Variants in DNAH10 observed in about 807,000 individuals in gnomAD.
DNAH10 encodes the protein dynein axonemal heavy chain 10.
In DNAH10, 348 loss-of-function variants were observed where a neutral mutation model predicts 506.6. That is an observed-to-expected ratio of 0.69 (90% confidence interval 0.63 to 0.75). DNAH10 has a LOEUF of 0.75. Among genes scored for constraint, DNAH10 ranks in the 30% least tolerant of loss-of-function variants. The pLI is 0.00. For missense variants in DNAH10, 5,179 were observed against 5,787.1 expected, an observed-to-expected ratio of 0.89 and a Z score of 3.41; for synonymous variants, 2,059 against 2,198.6, an observed-to-expected ratio of 0.94 and a Z score of 1.78.
In DNAH10 at chr12:123,887,170, A is replaced by G. The variant is rs1316611288; in HGVS notation, c.8852A>G (p.Tyr2951Cys). 1.9e-6 allele frequency: 3 copies of G among 1,611,674 alleles called. No individual in the cohort carries two copies. Among genetic ancestry groups the G allele is most frequent in the Admixed American group, 1.7e-5 (1 of 59,712 alleles). The change falls in exon 52 of 79, where the codon TAC becomes TGC. Residue 2951 changes from tyrosine to cysteine, a missense_variant. This residue lies in a region of DNAH10 where 4,844 missense variants were observed against 5,430.5 expected (regional missense o/e 0.89). Transcript: ENST00000673944. ...TTTGAGATCCTGCTGAGCCGAGGCT[A>G]CTCGGAGAACAGTTTCCGGGAAGAC... ...EVFEILLSRGYSENSFREDLK... is the reference protein window; with the variant it reads ...EVFEILLSRGCSENSFREDLK...
intron 12 of DNAH10, among the ~76,000 whole-genome samples, chr12:123,794,573 C>T (rs1958204772): frequency 6.6e-6 from 1 of 152,184 alleles, no homozygotes; most frequent in Non-Finnish European, 1.5e-5. Flanking sequence ...CTGCTGGGCA[C>T]AGTGACTCAT....
intron 5 of DNAH10, among the ~76,000 whole-genome samples, chr12:123,779,624 A>AG: frequency 1.3e-5 from 2 of 152,240 alleles, no homozygotes; most frequent in Non-Finnish European, 2.9e-5. Context: ...AGAGAGAGAA[A>AG]CAAAACCAAA....
intron 1 of DNAH10, among the ~76,000 whole-genome samples, chr12:123,763,508 T>A (rs1184330185): frequency 1.3e-5 from 2 of 152,044 alleles, no homozygotes; most frequent in Non-Finnish European, 2.9e-5. Flanking sequence ...GGCAGACCTT[T>A]GATTTTTTTT....
rs144426479 is a variant in DNAH10 at position 123,848,182 on chromosome 12, A to G, written c.5949+87A>G. 61 of 1,522,428 alleles carry G rather than the reference A, an allele frequency of 4.0e-5. No homozygotes were observed. In the East Asian group the frequency reaches 5.9e-4, roughly 15 times the overall value. The allele number at this position is 1,522,428 out of a possible 1,614,324, so 94.3% of individuals were successfully genotyped here. The stretch of plus-strand genomic sequence containing the variant: ...GGCATTTCACCTCCTAGTCTTTGAC[A>G]TGGCGACAGTGGAAGAAGCTAGTAG... On this transcript the variant is annotated intron_variant, in intron 33 of 78. Transcript: ENST00000673944.
In DNAH10 at chr12:123,867,517, C is replaced by T; in HGVS notation, c.7218C>T (p.Leu2406=). ...TCTTTGAGAAGTATGTGCCCTATCTCATGGATGTGATAGTGGAAGGAATTG... is the reference window on the plus strand; with the variant it reads ...TCTTTGAGAAGTATGTGCCCTATCTTATGGATGTGATAGTGGAAGGAATTG... ...NSLFEKYVPY[L]MDVIVEGIVD... is the part of the protein sequence containing the mutation. The change falls in exon 42 of 79, where the codon CTC becomes CTT. Residue 2406 remains leucine, a synonymous_variant. Transcript: ENST00000673944. 1 of 1,613,930 alleles carries T rather than the reference C, an allele frequency of 6.2e-7. No homozygotes were observed. The highest frequency in any genetic ancestry group is 1.1e-5 in the South Asian group (1 of 91,060).
intron 1 of DNAH10, among the ~76,000 whole-genome samples, chr12:123,767,010 A>G (rs1478661505): frequency 6.7e-6 from 1 of 148,788 alleles, no homozygotes; most frequent in Non-Finnish European, 1.5e-5. Flanking sequence ...GGCTCAAGTG[A>G]TTCTCCTGCA....
At chr12:123,929,848 C>A in intron 72 of DNAH10, 89 bp downstream of exon 72, 1 of 1,157,882 alleles carries the variant, frequency 8.6e-7, no homozygotes, top group Non-Finnish European at 1.2e-6. Context: ...GCCCTCAGAA[C>A]CAGCCTCTTC....
At chr12:123,816,924 GCTCCGT>G (rs1405343882) in intron 21 of DNAH10, among the ~76,000 whole-genome samples, 1 of 152,140 alleles carries the variant, frequency 6.6e-6, no homozygotes, top group African/African-American at 2.4e-5. Context: ...GGTTTCAGTT[GCTCCGT>G]CTCCTTACAA....
In DNAH10 at chr12:123,833,479, C is replaced by A. The variant is rs1340153461; in HGVS notation, c.4779+132C>A. ...TAGAAACAAATGATCCTCTTTCATA[C>A]TTTTTTGTCTTGATTTATTTTGAGG... On this transcript the variant is annotated intron_variant, in intron 27 of 78. Transcript: ENST00000673944. 7.1e-6 allele frequency: 5 copies of A among 708,336 alleles called. No homozygotes were observed. In the Admixed American group the frequency reaches 1.4e-4, roughly 21 times the overall value. The allele number at this position is 708,336 out of a possible 1,614,324, so 43.9% of individuals were successfully genotyped here.
intron 39 of DNAH10, among the ~76,000 whole-genome samples, chr12:123,864,149 T>C (rs1056840597): frequency 1.9e-4 from 28 of 147,978 alleles, no homozygotes; most frequent in South Asian, 1.1e-3. Flanking sequence ...TTTTCTTTTT[T>C]TTTTTTTTTT....
chr12:123,825,254 C>A (rs890878184), intron 24 of DNAH10, among the ~76,000 whole-genome samples: 4 of 152,032 alleles, frequency 2.6e-5, no homozygotes, highest in Non-Finnish European at 5.9e-5. Flanking sequence ...GGAGTGTGGC[C>A]GTGGAAGCCT....
At chr12:123,786,997 G>A (rs1320842492) in intron 9 of DNAH10, among the ~76,000 whole-genome samples, 1 of 152,142 alleles carries the variant, frequency 6.6e-6, no homozygotes, top group Non-Finnish European at 1.5e-5. Flanking sequence ...GAATTAGCCG[G>A]GTGTGGTGGT....
Position 123,926,862 on chromosome 12 carries a change from GGTCC to G in DNAH10, c.12105+43_12105+46del. On this transcript the variant is annotated intron_variant, in intron 69 of 78. Transcript: ENST00000673944. This position sits in a 1 kb window ranked among gnomAD's most constrained non-coding sequence, Gnocchi z 4.1. ...AGGAACAAGCTCTACGTTTAGGGGA[GGTCC>G]CTGGTGTCTGCTAAGAAGGAGCTAA... 4 of 1,601,060 alleles carry G rather than the reference GGTCC, an allele frequency of 2.5e-6. No individual in the cohort carries two copies. Among genetic ancestry groups the G allele is most frequent in the Non-Finnish European group, 3.4e-6 (4 of 1,176,104 alleles).
At chr12:123,772,979 G>C (rs758166121) in intron 4 of DNAH10, 37 bp downstream of exon 4, 4 of 1,461,942 alleles carry the variant, frequency 2.7e-6, no homozygotes, top group South Asian at 2.4e-5. Context: ...TGTGTGTTGA[G>C]GGGGTGTGGT....
At chr12:123,776,847 C>G (rs1165031355) in intron 5 of DNAH10, among the ~76,000 whole-genome samples, 2 of 152,086 alleles carry the variant, frequency 1.3e-5, no homozygotes, top group Non-Finnish European at 2.9e-5. Context: ...AAGGTCTCTG[C>G]CTCGTGGAGC....
Position 123,850,810 on chromosome 12 carries a change from G to A in DNAH10, c.6103-78G>A, listed in dbSNP as rs545803809. On this transcript the variant is annotated intron_variant, in intron 34 of 78. Transcript: ENST00000673944. The surrounding 1 kb of genome is among the most constrained non-coding windows in gnomAD (Gnocchi z 5.5). ...ATGAAAATGAATCGCCACGCAGCTCGCCGCAGGCCCCCTTTCCAAGGGGCT... is the reference window on the plus strand; with the variant it reads ...ATGAAAATGAATCGCCACGCAGCTCACCGCAGGCCCCCTTTCCAAGGGGCT... 265 of 1,436,658 alleles carry A rather than the reference G, an allele frequency of 1.8e-4. 1 individual carries two copies. In the African/African-American group the frequency reaches 3.3e-3, roughly 18 times the overall value. 89.0% of individuals were successfully genotyped at this position (1,436,658 alleles called of 1,614,324 possible).
chr12:123,869,884 G>A (rs79965985), intron 43 of DNAH10, among the ~76,000 whole-genome samples: 5 of 152,272 alleles, frequency 3.3e-5, no homozygotes, highest in Middle Eastern at 3.4e-3. Context: ...CCCCTGCCCC[G>A]CCTGGGTTGC....
chr12:123,850,869 CT>C lies in DNAH10; in HGVS notation c.6103-17del. On this transcript the variant is annotated intron_variant, in intron 34 of 78. Transcript: ENST00000673944. This position sits in a 1 kb window ranked among gnomAD's most constrained non-coding sequence, Gnocchi z 5.5. ...GGGCCACCTAACTGCTTCTTTCTTT[CT>C]TCCTTCTTGCCCTCCAGTTTGAAGG... 4.4e-6 allele frequency: 7 copies of C among 1,594,620 alleles called. No homozygotes were observed. The highest frequency in any genetic ancestry group is 6.0e-6 in the Non-Finnish European group (7 of 1,167,888).
Position 123,804,852 on chromosome 12 carries a change from AC to A in DNAH10, c.2800del (p.His934ThrfsTer24), listed in dbSNP as rs1333110394. The A allele has an allele frequency of 3.7e-6, 6 of 1,610,498 alleles. No individual in the cohort carries two copies. Among genetic ancestry groups the A allele is most frequent in the Non-Finnish European group, 5.1e-6 (6 of 1,178,354 alleles). On this transcript the variant is annotated frameshift_variant, in exon 18 of 79. Coordinates refer to ENST00000673944, the MANE Select transcript of DNAH10 (RefSeq NM_001372106.1). LOFTEE classifies it high-confidence loss of function. ...CTCCAGGCGTGAAGGAATTTTTTGAACACATTGAGCGAGAAAGGGCCAGCGA... is the reference window on the plus strand; with the variant it reads ...CTCCAGGCGTGAAGGAATTTTTTGAAACATTGAGCGAGAAAGGGCCAGCGA... ...ELPGVKEFFE[H>X]IERERASDVD... is the part of the protein sequence containing the mutation.
Sources: allele counts gnomAD v4.1 joint callset (sites outside exome capture counted in the v4.1 genomes callset), GRCh38; gene constraint gnomAD v4.1.1; regional missense constraint gnomAD v4.1.1; non-coding constraint Gnocchi (gnomAD v3.1); transcripts MANE v1.5; gene names NCBI Gene and HGNC (gene_info 2026-07-23, HGNC 2026-07-21).